Variants in LMTK2 observed in about 807,000 individuals in gnomAD.
LMTK2 encodes the protein lemur tail kinase 2.
In LMTK2, 37 loss-of-function variants were observed where a neutral mutation model predicts 127.5. The ratio of observed to expected loss-of-function variants is 0.29; its 90% confidence interval spans 0.22 to 0.38. The LOEUF (loss-of-function observed/expected upper bound fraction) is 0.38. Among genes scored for constraint, LMTK2 ranks in the 10% least tolerant of loss-of-function variants. The pLI is 1.00. For synonymous variants in LMTK2, 819 were observed against 810.1 expected (o/e 1.01, Z -0.19); for missense variants, 1,694 against 1,920.3 (o/e 0.88, Z 2.20).
At chr7:98,143,571 C>G (rs1286038969) in intron 3 of LMTK2, among the ~76,000 whole-genome samples, 2 of 152,108 alleles carry the variant, frequency 1.3e-5, no homozygotes, top group African/African-American at 4.8e-5. Context: ...TAAAGAAATG[C>G]TGACTTAAGC....
chr7:98,158,994 G>A (rs1796972866), intron 5 of LMTK2, among the ~76,000 whole-genome samples: 1 of 152,154 alleles, frequency 6.6e-6, no homozygotes, highest in Admixed American at 6.5e-5. Flanking sequence ...GGAGTTGGAG[G>A]CTGCAGTGAG....
At chr7:98,143,167 C>T (rs933508163) in intron 3 of LMTK2, among the ~76,000 whole-genome samples, 4 of 152,126 alleles carry the variant, frequency 2.6e-5, no homozygotes, top group Non-Finnish European at 4.4e-5. Context: ...TATACACACC[C>T]CTTTCTGTTT....
At chr7:98,201,787 G>A (rs1248512569) in intron 11 of LMTK2, among the ~76,000 whole-genome samples, 1 of 151,998 alleles carries the variant, frequency 6.6e-6, no homozygotes, top group African/African-American at 2.4e-5. Flanking sequence ...TTTTTAAATT[G>A]TTTGTAGAGA....
At chr7:98,183,498 G>A (rs574023016) in intron 7 of LMTK2, among the ~76,000 whole-genome samples, 16 of 152,136 alleles carry the variant, frequency 1.1e-4, no homozygotes, top group African/African-American at 2.7e-4. Flanking sequence ...CATGATTCTC[G>A]TGCCTCAGTC....
intron 1 of LMTK2, among the ~76,000 whole-genome samples, chr7:98,127,953 G>A (rs1423759723): frequency 6.6e-6 from 1 of 152,156 alleles, no homozygotes; most frequent in African/African-American, 2.4e-5. Context: ...GATTAGCCTG[G>A]CCAAGATGGC....
At chr7:98,204,226 CG>C (rs753743920) in intron 13 of LMTK2, 40 bp downstream of exon 13, 13 of 1,582,426 alleles carry the variant, frequency 8.2e-6, no homozygotes, top group East Asian at 2.3e-5. Context: ...AGTGCAGGGT[CG>C]GGGGTGGGGC....
chr7:98,193,244 A>C lies in LMTK2; in HGVS notation c.2779A>C (p.Asn927His). The part of the protein sequence containing the change: ...SLPELGQELH[N>H]KPFSEDHHSH... ...CCCGGAACTGGGACAGGAATTGCACAATAAACCATTTTCGGAAGACCATCA... is the reference window on the plus strand; with the variant it reads ...CCCGGAACTGGGACAGGAATTGCACCATAAACCATTTTCGGAAGACCATCA... The change falls in exon 11 of 14, where the codon AAT (asparagine) becomes CAT (histidine). Residue 927 changes from asparagine (N) to histidine (H), a missense_variant. By Grantham distance (68) the Asn-to-His change is moderately conservative (BLOSUM62 1). This residue lies in a region of LMTK2 where 527 missense variants were observed against 539.8 expected (regional missense o/e 0.98). Coordinates refer to ENST00000297293, the MANE Select transcript of LMTK2 (RefSeq NM_014916.4). This position sits in a 1 kb window ranked among gnomAD's most constrained non-coding sequence, Gnocchi z 4.1. 6.2e-7 allele frequency: 1 copy of C among 1,613,738 alleles called. No homozygotes were observed. Among genetic ancestry groups the C allele is most frequent in the Admixed American group, 1.7e-5 (1 of 60,016 alleles).
intron 3 of LMTK2, among the ~76,000 whole-genome samples, chr7:98,148,220 T>C (rs944712641): frequency 8.6e-5 from 13 of 152,016 alleles, no homozygotes; most frequent in African/African-American, 3.1e-4. Flanking sequence ...CCAGGTGTGA[T>C]GGCTTATGCC....
chr7:98,140,303 T>C (rs1159640771), intron 2 of LMTK2, among the ~76,000 whole-genome samples: 1 of 151,546 alleles, frequency 6.6e-6, no homozygotes, highest in Non-Finnish European at 1.5e-5. Flanking sequence ...TGCGCCACCA[T>C]GCCTGACTAA....
chr7:98,120,298 C>T (rs1011953079), intron 1 of LMTK2, among the ~76,000 whole-genome samples: 3 of 152,132 alleles, frequency 2.0e-5, no homozygotes, highest in Non-Finnish European at 4.4e-5. Context: ...CTCATATTCT[C>T]AGTCCATCCC....
intron 7 of LMTK2, among the ~76,000 whole-genome samples, chr7:98,179,386 CAGGA>C (rs1562916238): frequency 1.3e-5 from 2 of 152,160 alleles, no homozygotes; most frequent in Admixed American, 1.3e-4. Flanking sequence ...GTTCTGGTCT[CAGGA>C]GGGAGATGTC....
intron 3 of LMTK2, among the ~76,000 whole-genome samples, chr7:98,145,702 A>G (rs964139576): frequency 6.6e-6 from 1 of 152,174 alleles, no homozygotes; most frequent in African/African-American, 2.4e-5. Context: ...CCATTCTCTT[A>G]ATCATAATCA....
chr7:98,146,727 AT>A (rs962061321), intron 3 of LMTK2, among the ~76,000 whole-genome samples: 1 of 152,146 alleles, frequency 6.6e-6, no homozygotes. Flanking sequence ...CAGAGTTATA[AT>A]TTTTTTAATG....
At chr7:98,153,863 CA>C (rs576189874) in intron 4 of LMTK2, among the ~76,000 whole-genome samples, 67 of 140,044 alleles carry the variant, frequency 4.8e-4, no homozygotes, top group African/African-American at 6.0e-4. Flanking sequence ...AAGACTGTCT[CA>C]AAAAAAAAAA....
At chr7:98,109,524 G>T (rs1340261999) in intron 1 of LMTK2, among the ~76,000 whole-genome samples, 1 of 151,878 alleles carries the variant, frequency 6.6e-6, no homozygotes, top group East Asian at 1.9e-4. Flanking sequence ...TGGGTGGATT[G>T]CTTGAGGTCA....
intron 7 of LMTK2, among the ~76,000 whole-genome samples, chr7:98,184,225 G>A (rs773290410): frequency 6.6e-6 from 1 of 152,118 alleles, no homozygotes; most frequent in Non-Finnish European, 1.5e-5. Context: ...CCTGTCGAGC[G>A]TTCCCAGTGG....
Position 98,192,894 on chromosome 7 carries a change from C to G in LMTK2, c.2429C>G (p.Ser810Cys), listed in dbSNP as rs375262499. The G allele has an allele frequency of 1.5e-5, 24 of 1,614,040 alleles. No individual in the cohort carries two copies. The highest frequency in any genetic ancestry group is 1.7e-5 in the Non-Finnish European group (20 of 1,180,000). Residue 810 changes from serine (S) to cysteine (C), a missense_variant, in exon 11 of 14, where the codon TCC (serine) becomes TGC (cysteine). Coordinates refer to ENST00000297293, the MANE Select transcript of LMTK2 (RefSeq NM_014916.4). ...ACTTTGAGCACCTCATTGCAGTCTT[C>G]CCCGGAAGTGCAGGTACCTCCTACC... ...GDTLSTSLQSSPEVQVPPTSF... is the reference protein window; with the variant it reads ...GDTLSTSLQSCPEVQVPPTSF...
At chr7:98,158,929 G>A (rs1471087577) in intron 5 of LMTK2, among the ~76,000 whole-genome samples, 2 of 152,132 alleles carry the variant, frequency 1.3e-5, no homozygotes, top group African/African-American at 4.8e-5. Context: ...ATGGTGGCAC[G>A]TGCCTGTAAT....
intron 1 of LMTK2, among the ~76,000 whole-genome samples, chr7:98,109,147 C>T (rs1796161637): frequency 6.6e-6 from 1 of 152,160 alleles, no homozygotes; most frequent in Non-Finnish European, 1.5e-5. Context: ...GCGTGAGCCA[C>T]CGCGCCTGGC....
Sources: gnomAD v4.1 joint callset for allele counts (sites outside exome capture counted in the v4.1 genomes callset) on GRCh38, gnomAD v4.1.1 for gene constraint, gnomAD v4.1.1 regional missense constraint, Gnocchi (gnomAD v3.1) non-coding constraint, MANE v1.5 for transcripts, NCBI Gene and HGNC (gene_info 2026-07-23, HGNC 2026-07-21) for gene names.